The following TPD52L1 variants were observed in gnomAD, a reference collection of about 807,000 sequenced individuals.
TPD52L1 encodes TPD52 like 1.
Under a neutral mutation model 28.7 loss-of-function variants are expected in TPD52L1, and 18 were observed. That is an observed-to-expected ratio of 0.63 (90% CI 0.43 to 0.93). The LOEUF (loss-of-function observed/expected upper bound fraction) is 0.93. Among genes scored for constraint, TPD52L1 ranks in the 40% least tolerant of loss-of-function variants. TPD52L1 has a pLI of 0.00. For missense variants in TPD52L1, 203 were observed against 254.8 expected (o/e 0.80, Z 1.39); for synonymous variants, 75 against 88.8 (o/e 0.84, Z 0.88).
intron 1 of TPD52L1, among the ~76,000 whole-genome samples, chr6:125,170,134 G>A (rs976326057): frequency 4.6e-5 from 7 of 152,022 alleles, no homozygotes; most frequent in African/African-American, 1.7e-4. Flanking sequence ...TCAAGTTTCT[G>A]CACAACACGT....
Position 125,208,918 on chromosome 6 carries a change from C to T in TPD52L1, c.20-11160C>T, listed in dbSNP as rs529250940. Reference sequence around the variant, plus strand: ...AATCCCTAGGGCAGGAATAAGCCAGCAGGCCCAAGGTGTAGCTCAAAGCTG... The same window carrying T: ...AATCCCTAGGGCAGGAATAAGCCAGTAGGCCCAAGGTGTAGCTCAAAGCTG... On this transcript the variant is annotated intron_variant, in intron 1 of 6. Transcript: ENST00000534000. 1.1e-4 allele frequency: 104 copies of T among 985,424 alleles called. 1 individual carries two copies. The African/African-American group carries it at 1.7e-3, about 16-fold the overall frequency. 61.0% of individuals were successfully genotyped at this position (985,424 alleles called of 1,614,324 possible). A position where few individuals can be genotyped will look rare whatever the true frequency, so the allele number is the denominator to read the frequency against.
chr6:125,207,294 T>C (rs1333739591), intron 1 of TPD52L1, among the ~76,000 whole-genome samples: 1 of 152,208 alleles, frequency 6.6e-6, no homozygotes, highest in Non-Finnish European at 1.5e-5. Flanking sequence ...CAAAATAGCA[T>C]GAATTCTGTA....
intron 1 of TPD52L1, among the ~76,000 whole-genome samples, chr6:125,198,742 C>T (rs1174494848): frequency 6.6e-6 from 1 of 152,184 alleles, no homozygotes; most frequent in African/African-American, 2.4e-5. Flanking sequence ...GCAGAGCTTC[C>T]TCAATGTGTT....
At chr6:125,206,722 C>T (rs186427387) in intron 1 of TPD52L1, among the ~76,000 whole-genome samples, 3 of 152,216 alleles carry the variant, frequency 2.0e-5, no homozygotes, top group African/African-American at 4.8e-5. Context: ...GAGAATCCAT[C>T]CATTGAATGT....
At chr6:125,219,568 AT>A (rs1795093879) in intron 1 of TPD52L1, among the ~76,000 whole-genome samples, 2 of 152,034 alleles carry the variant, frequency 1.3e-5, no homozygotes, top group African/African-American at 2.4e-5. Flanking sequence ...TCAGGGGAGG[AT>A]TTTTTTCTCT....
intron 1 of TPD52L1, chr6:125,214,459 C>G: frequency 1.0e-6 from 1 of 984,478 alleles, no homozygotes; most frequent in Non-Finnish European, 1.2e-6. Context: ...GCACATACCT[C>G]CTCGGTAAGT....
chr6:125,256,824 G>A (rs922724166), intron 5 of TPD52L1, among the ~76,000 whole-genome samples: 1 of 152,210 alleles, frequency 6.6e-6, no homozygotes, highest in Non-Finnish European at 1.5e-5. Context: ...GTGTACCATG[G>A]AATTATTACA....
intron 1 of TPD52L1, among the ~76,000 whole-genome samples, chr6:125,214,241 T>A (rs1186843696): frequency 6.6e-6 from 1 of 152,142 alleles, no homozygotes; most frequent in Non-Finnish European, 1.5e-5. Context: ...GGTCATCTCC[T>A]GGGCACAGAG....
At chr6:125,256,022 G>T (rs1365895400) in intron 5 of TPD52L1, among the ~76,000 whole-genome samples, 1 of 152,122 alleles carries the variant, frequency 6.6e-6, no homozygotes, top group South Asian at 2.1e-4. Flanking sequence ...ATTATGTATA[G>T]ATTATTTAAT....
chr6:125,167,415 G>T (rs1790986401), intron 1 of TPD52L1, among the ~76,000 whole-genome samples: 1 of 152,134 alleles, frequency 6.6e-6, no homozygotes, highest in Admixed American at 6.6e-5. Context: ...GGCCTACTGT[G>T]TATCTGGTGT....
intron 3 of TPD52L1, among the ~76,000 whole-genome samples, chr6:125,247,187 C>G (rs1245623396): frequency 6.6e-6 from 1 of 151,934 alleles, no homozygotes; most frequent in South Asian, 2.1e-4. Context: ...CTTACAGATA[C>G]CATATGCATG....
At chr6:125,155,837 G>A (rs1356799973) in intron 1 of TPD52L1, among the ~76,000 whole-genome samples, 10 of 152,168 alleles carry the variant, frequency 6.6e-5, no homozygotes, top group Admixed American at 6.5e-4. Flanking sequence ...GTCCCATGAG[G>A]TAGTTCATAT....
At chr6:125,173,598 G>T (rs1178139336) in intron 1 of TPD52L1, among the ~76,000 whole-genome samples, 1 of 152,072 alleles carries the variant, frequency 6.6e-6, no homozygotes, top group Non-Finnish European at 1.5e-5. Context: ...ATCCTGCCCA[G>T]CTCGTTCTTA....
At chr6:125,249,225 G>A (rs531046768) in intron 4 of TPD52L1, among the ~76,000 whole-genome samples, 10 of 150,882 alleles carry the variant, frequency 6.6e-5, no homozygotes, top group Admixed American at 3.3e-4. Flanking sequence ...TTTGCATTTG[G>A]CTGATATGCC....
intron 5 of TPD52L1, 165 bp downstream of exon 5, chr6:125,253,920 G>A (rs1181897484): frequency 2.5e-6 from 2 of 792,866 alleles, no homozygotes; most frequent in Admixed American, 1.7e-5. Context: ...CGTAGCTTGG[G>A]CTTTTGACCA....
intron 3 of TPD52L1, among the ~76,000 whole-genome samples, chr6:125,247,050 G>A (rs1452406057): frequency 6.6e-6 from 1 of 151,894 alleles, no homozygotes; most frequent in Non-Finnish European, 1.5e-5. Context: ...GAAGACCAAG[G>A]CACATATTTG....
chr6:125,242,431 TCTCAGGC>T (rs1796670963), intron 3 of TPD52L1, among the ~76,000 whole-genome samples: 1 of 152,080 alleles, frequency 6.6e-6, no homozygotes, highest in African/African-American at 2.4e-5. Context: ...CTATCTCATT[TCTCAGGC>T]CTGGTAGTAA....
chr6:125,262,802 T>C lies in TPD52L1; in HGVS notation c.487-32T>C, dbSNP rs372792388. 12 of 1,583,470 alleles carry C rather than the reference T, an allele frequency of 7.6e-6. No homozygotes were observed. In the African/African-American group the frequency reaches 1.6e-4, roughly 22 times the overall value. ...ACATTACAAAAATGATAGTAACAAC[T>C]AACTGCATTTTTGTGGATCTGCTCA... On this transcript the variant is annotated intron_variant, in intron 6 of 6. Transcript: ENST00000534000.
chr6:125,201,033 C>G (rs562065930), intron 1 of TPD52L1, among the ~76,000 whole-genome samples: 1 of 152,284 alleles, frequency 6.6e-6, no homozygotes, highest in East Asian at 1.9e-4. Context: ...TTATAGGCAG[C>G]GTTTCTTTTT....
Sources: allele counts gnomAD v4.1 joint callset (sites outside exome capture counted in the v4.1 genomes callset), GRCh38; gene constraint gnomAD v4.1.1; transcripts MANE v1.5; gene names NCBI Gene and HGNC (gene_info 2026-07-23, HGNC 2026-07-21).